ATAD2B: variants seen among roughly 807,000 people sequenced by gnomAD.
ATAD2B encodes ATPase family AAA domain-containing protein 2B.
Under a neutral mutation model 167.6 loss-of-function variants are expected in ATAD2B, and 40 were observed. The observed-to-expected ratio is 0.24, with a 90% confidence interval of 0.19 to 0.31. The LOEUF is 0.31. Among genes scored for constraint, ATAD2B ranks in the 10% least tolerant of loss-of-function variants. The pLI, the probability that ATAD2B is intolerant of heterozygous loss-of-function variation, is 1.00. For synonymous variants in ATAD2B, 579 were observed against 596.5 expected, an observed-to-expected ratio of 0.97 and a Z score of 0.43; for missense variants, 1,242 against 1,757.2, an observed-to-expected ratio of 0.71 and a Z score of 5.24.
chr2:23,769,042 T>C (rs1409213494), intron 22 of ATAD2B, among the ~76,000 whole-genome samples: 1 of 152,180 alleles, frequency 6.6e-6, no homozygotes, highest in African/African-American at 2.4e-5. Flanking sequence ...GTGGAATGGC[T>C]AGGTCAAATG....
At chr2:23,812,865 ATGCTACCAATTTT>A in intron 17 of ATAD2B, among the ~76,000 whole-genome samples, 2 of 151,636 alleles carry the variant, frequency 1.3e-5, no homozygotes. Flanking sequence ...AAAAAAAAAA[ATGCTACCAATTTT>A]AATGCATTCA....
intron 1 of ATAD2B, among the ~76,000 whole-genome samples, chr2:23,912,474 T>C (rs1702449154): frequency 6.6e-6 from 1 of 151,520 alleles, no homozygotes; most frequent in Non-Finnish European, 1.5e-5. Flanking sequence ...GCCACTGTAC[T>C]CCAGCTTGAG....
Position 23,833,933 on chromosome 2 carries a change from G to A in ATAD2B, c.1714C>T (p.Leu572=). Residue 572 remains leucine (L), a synonymous_variant, in exon 14 of 28, where the codon CTG becomes TTG. Coordinates refer to ENST00000238789, the MANE Select transcript of ATAD2B (RefSeq NM_017552.4). ...GRFDREFLFN[L]PDQKARKHIL... Reference sequence around the variant, plus strand: ...AAAACTCTTACCTTTTGATCAGGCAGGTTGAAGAGGAATTCTCTGTCAAAA... The same window carrying A: ...AAAACTCTTACCTTTTGATCAGGCAAGTTGAAGAGGAATTCTCTGTCAAAA... The A allele has an allele frequency of 6.2e-7, 1 of 1,604,596 alleles. No individual in the cohort carries two copies. The highest frequency in any genetic ancestry group is 1.8e-5 in the Admixed American group (1 of 57,010).
At chr2:23,681,521 T>C in the ATAD2B span, among the ~76,000 whole-genome samples, 1 of 152,290 alleles carries the variant, frequency 6.6e-6, no homozygotes, top group Non-Finnish European at 1.5e-5. The surrounding 1 kb of genome is among the most constrained non-coding windows in gnomAD (Gnocchi z 4.2). Flanking sequence ...TAGGCATTTG[T>C]GTGCTGTTGT....
intron 1 of ATAD2B, among the ~76,000 whole-genome samples, chr2:23,917,766 A>T (rs1439975071): frequency 1.3e-5 from 2 of 152,048 alleles, no homozygotes; most frequent in African/African-American, 4.8e-5. Context: ...TGTCTGGAAA[A>T]ATAAAAATAT....
the ATAD2B span, among the ~76,000 whole-genome samples, chr2:23,727,636 A>G: frequency 2.0e-5 from 3 of 152,234 alleles, no homozygotes; most frequent in Non-Finnish European, 4.4e-5. Context: ...AGCTTTATTC[A>G]CAATTGACAA....
At chr2:23,883,273 C>A in intron 6 of ATAD2B, among the ~76,000 whole-genome samples, 1 of 90,956 alleles carries the variant, frequency 1.1e-5, no homozygotes. Context: ...GAGTGAAAAA[C>A]TGTCTCAAAA....
At chr2:23,813,457 G>A (rs1685940182) in intron 17 of ATAD2B, among the ~76,000 whole-genome samples, 1 of 151,194 alleles carries the variant, frequency 6.6e-6, no homozygotes, top group East Asian at 1.9e-4. Flanking sequence ...ATAAATGAGG[G>A]CAGCACAGTG....
At chr2:23,681,837 G>A in the ATAD2B span, among the ~76,000 whole-genome samples, 1 of 152,204 alleles carries the variant, frequency 6.6e-6, no homozygotes, top group African/African-American at 2.4e-5. This position sits in a 1 kb window ranked among gnomAD's most constrained non-coding sequence, Gnocchi z 4.2. Context: ...TAATTCGGCT[G>A]GTGACTCTTT....
chr2:23,896,166 A>C (rs971215484), intron 1 of ATAD2B, among the ~76,000 whole-genome samples, 196 bp from the exon 2 acceptor site: 3 of 151,486 alleles, frequency 2.0e-5, no homozygotes, highest in Non-Finnish European at 4.4e-5. Context: ...AAAAAAAAAA[A>C]AAAAATTAGC....
At chr2:23,839,940 G>A (rs1407164402) in intron 13 of ATAD2B, among the ~76,000 whole-genome samples, 1 of 152,072 alleles carries the variant, frequency 6.6e-6, no homozygotes. Context: ...TGTCACTACA[G>A]ATTACTTTGC....
the ATAD2B span, among the ~76,000 whole-genome samples, chr2:23,692,423 C>T: frequency 6.6e-6 from 1 of 152,340 alleles, no homozygotes; most frequent in African/African-American, 2.4e-5. Context: ...CTTGATGCTA[C>T]CCCGCATGGG....
the ATAD2B span, among the ~76,000 whole-genome samples, chr2:23,701,593 G>C: frequency 1.3e-5 from 2 of 152,038 alleles, no homozygotes; most frequent in African/African-American, 4.8e-5. Context: ...CACACCTGTA[G>C]TCCCAGCTAC....
intron 22 of ATAD2B, among the ~76,000 whole-genome samples, chr2:23,774,392 C>A (rs1678777089): frequency 6.6e-6 from 1 of 152,066 alleles, no homozygotes; most frequent in Admixed American, 6.5e-5. Context: ...GAGGTCAAGG[C>A]TGCAGTGAGC....
chr2:23,783,191 A>C (rs1206195043), intron 21 of ATAD2B, among the ~76,000 whole-genome samples, 163 bp from the exon 22 acceptor site: 1 of 151,934 alleles, frequency 6.6e-6, no homozygotes, highest in Admixed American at 6.6e-5. Flanking sequence ...CAAAGTTACT[A>C]TCTGTCATAC....
chr2:23,680,265 G>C, the ATAD2B span, among the ~76,000 whole-genome samples: 2 of 152,210 alleles, frequency 1.3e-5, no homozygotes, highest in South Asian at 4.2e-4. This position sits in a 1 kb window ranked among gnomAD's most constrained non-coding sequence, Gnocchi z 4.1. Flanking sequence ...GAGGGGAGGA[G>C]TCTGGGGAAG....
chr2:23,888,883 T>A (rs1279880351), intron 2 of ATAD2B, among the ~76,000 whole-genome samples: 1 of 152,170 alleles, frequency 6.6e-6, no homozygotes, highest in African/African-American at 2.4e-5. Flanking sequence ...AAACAGCTGA[T>A]TTATCGAAAG....
the ATAD2B span, among the ~76,000 whole-genome samples, chr2:23,741,728 C>A: frequency 6.6e-6 from 1 of 152,174 alleles, no homozygotes; most frequent in South Asian, 2.1e-4. Flanking sequence ...TAAAGAGCTT[C>A]TGCACAGCAA....
At chr2:23,837,520 G>A (rs1202680173) in intron 13 of ATAD2B, among the ~76,000 whole-genome samples, 3 of 152,186 alleles carry the variant, frequency 2.0e-5, no homozygotes, top group Non-Finnish European at 2.9e-5. Context: ...CCATCCCACC[G>A]ACTCAAAAGG....
Sources: gnomAD v4.1 joint callset for allele counts (sites outside exome capture counted in the v4.1 genomes callset) on GRCh38, gnomAD v4.1.1 for gene constraint, Gnocchi (gnomAD v3.1) non-coding constraint, MANE v1.5 for transcripts, NCBI Gene and HGNC (gene_info 2026-07-23, HGNC 2026-07-21) for gene names.